HTRA4: variants seen among roughly 807,000 people sequenced by gnomAD.
HTRA4 encodes the protein serine protease HTRA4.
A neutral mutation model predicts 49.1 loss-of-function variants in HTRA4; 46 were observed. The ratio of observed to expected loss-of-function variants is 0.94; its 90% confidence interval spans 0.74 to 1.20. HTRA4 has a LOEUF of 1.20. Among genes scored for constraint, HTRA4 ranks in the 50% most tolerant of loss-of-function variants. The pLI is 0.00. For missense variants in HTRA4, 602 were observed against 636.9 expected (o/e 0.95, Z 0.59); for synonymous variants, 261 against 264.0 (o/e 0.99, Z 0.11).
chr8:38,977,291 A>C, intron 3 of HTRA4, among the ~76,000 whole-genome samples: 1 of 147,816 alleles, frequency 6.8e-6, no homozygotes, highest in Non-Finnish European at 1.5e-5. Context: ...TTCCTCCTTC[A>C]ACAAATGCTG....
At position 38,976,603 on chromosome 8, in the gene HTRA4, T is replaced by C; in HGVS notation, c.635T>C (p.Leu212Pro). Residue 212 changes from leucine (L) to proline (P), a missense_variant, in exon 3 of 9, where the codon CTC (leucine) becomes CCC (proline). Leu to Pro is a moderately conservative substitution (Grantham distance 98). Transcript: ENST00000302495. ...GSGFIVSEDG[L>P]IITNAHVVRN... Reference sequence around the variant, plus strand: ...GGGTTCATAGTGTCTGAGGACGGGCTCATTATTACCAATGCCCATGTTGTC... The same window carrying C: ...GGGTTCATAGTGTCTGAGGACGGGCCCATTATTACCAATGCCCATGTTGTC... 6.2e-7 allele frequency: 1 copy of C among 1,614,184 alleles called. No homozygotes were observed. The highest frequency in any genetic ancestry group is 1.1e-5 in the South Asian group (1 of 91,086).
chr8:38,988,328 G>C lies in HTRA4; in HGVS notation c.*230G>C. On this transcript the variant is annotated 3_prime_UTR_variant, in exon 9 of 9. Coordinates refer to ENST00000302495, the MANE Select transcript of HTRA4 (RefSeq NM_153692.4). ...CCATAAAAAGCAACAGTCCTCTGCA[G>C]GGACATGGATGGAGCTGGAAACCAT... is the stretch of plus-strand genomic sequence containing the variant. 1 of 370,944 alleles carries C rather than the reference G, an allele frequency of 2.7e-6. No homozygotes were observed. The highest frequency in any genetic ancestry group is 4.1e-5 in the South Asian group (1 of 24,362). 23.0% of individuals were successfully genotyped at this position (370,944 alleles called of 1,614,324 possible). A position where few individuals can be genotyped will look rare whatever the true frequency, so the allele number is the denominator to read the frequency against.
At chr8:38,976,765 G>A (rs768876821) in intron 3 of HTRA4, 26 bp downstream of exon 3, 12 of 1,610,566 alleles carry the variant, frequency 7.5e-6, no homozygotes, top group Admixed American at 1.7e-5. Context: ...CTGAGTCAGA[G>A]TCTACATATT....
Position 38,974,463 on chromosome 8 carries a change from G to T in HTRA4, c.200G>T (p.Arg67Leu), listed in dbSNP as rs1204374996. Residue 67 changes from arginine (R) to leucine (L), a missense_variant, in exon 1 of 9, where the codon CGC (arginine) becomes CTC (leucine). Arg to Leu is a moderately radical substitution (Grantham distance 102). Transcript: ENST00000302495. Reference sequence around the variant, plus strand: ...ACCACGCCGGTGTTCGACCTGTGCCGCTGTTGCCGCGTCTGCCCCGCGGCC... The same window carrying T: ...ACCACGCCGGTGTTCGACCTGTGCCTCTGTTGCCGCGTCTGCCCCGCGGCC... ...LGTTPVFDLCRCCRVCPAAER... is the reference protein window; with the variant it reads ...LGTTPVFDLCLCCRVCPAAER... 6.5e-7 allele frequency: 1 copy of T among 1,534,226 alleles called. No homozygotes were observed. The highest frequency in any genetic ancestry group is 1.4e-5 in the African/African-American group (1 of 72,548).
chr8:38,974,684 A>G lies in HTRA4; in HGVS notation c.421A>G (p.Lys141Glu), dbSNP rs768636186. The change falls in exon 1 of 9, where the codon AAG becomes GAG. Residue 141 changes from lysine (K) to glutamate (E), a missense_variant. Coordinates refer to ENST00000302495, the MANE Select transcript of HTRA4 (RefSeq NM_153692.4). ...AENRAARRLGKVPAVPVQWGN... is the reference protein window; with the variant it reads ...AENRAARRLGEVPAVPVQWGN... ...AAACCGCGCCGCGCGCCGCCTGGGC[A>G]AGGTCCCGGCCGTGCCTGTGCAGTG... 2.3e-4 allele frequency: 328 copies of G among 1,404,096 alleles called. No homozygotes were observed. The highest frequency in any genetic ancestry group is 2.7e-4 in the Non-Finnish European group (299 of 1,089,598). The allele number at this position is 1,404,096 out of a possible 1,614,324, so 87.0% of individuals were successfully genotyped here. A position where few individuals can be genotyped will look rare whatever the true frequency, so the allele number is the denominator to read the frequency against.
At position 38,974,296 on chromosome 8, in the gene HTRA4, G is replaced by A. The variant is rs1200307455; in HGVS notation, c.33G>A (p.Leu11=). 3.7e-6 allele frequency: 6 copies of A among 1,612,474 alleles called. No individual in the cohort carries two copies. The Admixed American group carries it at 5.0e-5, about 13-fold the overall frequency. The change falls in exon 1 of 9, where the codon CTG becomes CTA. Residue 11 remains leucine (L), a synonymous_variant. Transcript: ENST00000302495. MIRPQLRTAG[L]GRCLLPGLLL... ...GACCTCAGCTGCGGACCGCGGGGCTGGGACGATGCCTCCTGCCGGGGCTGC... is the reference window on the plus strand; with the variant it reads ...GACCTCAGCTGCGGACCGCGGGGCTAGGACGATGCCTCCTGCCGGGGCTGC...
At chr8:38,981,816 C>A in intron 6 of HTRA4, 49 bp downstream of exon 6, 1 of 1,259,148 alleles carries the variant, frequency 7.9e-7, no homozygotes, top group Non-Finnish European at 1.1e-6. Flanking sequence ...TTGTGCTTTT[C>A]AGGAACACTC....
chr8:38,977,224 C>CTGCGCT (rs1296137804), intron 3 of HTRA4, among the ~76,000 whole-genome samples: 1 of 151,644 alleles, frequency 6.6e-6, no homozygotes, highest in East Asian at 1.9e-4. Context: ...GTGTGAGCCA[C>CTGCGCT]TGCGCTTGGC....
chr8:38,981,886 C>A, intron 6 of HTRA4, 119 bp downstream of exon 6: 1 of 716,752 alleles, frequency 1.4e-6, no homozygotes, highest in Non-Finnish European at 2.3e-6. Context: ...TTTTGCTCGT[C>A]ATCCAGGTTG....
chr8:38,983,366 G>A (rs1835446702), intron 8 of HTRA4, among the ~76,000 whole-genome samples: 1 of 152,066 alleles, frequency 6.6e-6, no homozygotes, highest in Non-Finnish European at 1.5e-5. Flanking sequence ...CTGAAACCCC[G>A]TCTCTACTAA....
rs1185679168 is a variant in HTRA4 at position 38,982,548 on chromosome 8, A to G, written c.1165A>G (p.Thr389Ala). 1 of 1,614,002 alleles carries G rather than the reference A, an allele frequency of 6.2e-7. No homozygotes were observed. The highest frequency in any genetic ancestry group is 8.5e-7 in the Non-Finnish European group (1 of 1,179,980). ...KYLGLQMLSLTVPLSEELKMH... is the reference protein window; with the variant it reads ...KYLGLQMLSLAVPLSEELKMH... ...TCTGGGTCTGCAAATGCTGTCCCTC[A>G]CTGTGCCGTAAGCATGTGTTTGAAT... is the stretch of plus-strand genomic sequence containing the variant. Residue 389 changes from threonine to alanine, a missense_variant, in exon 7 of 9, where the codon ACT (threonine) becomes GCT (alanine). By Grantham distance (58) the Thr-to-Ala change is moderately conservative (BLOSUM62 0). Coordinates refer to ENST00000302495, the MANE Select transcript of HTRA4 (RefSeq NM_153692.4).
At chr8:38,977,197 A>G (rs902227184) in intron 3 of HTRA4, among the ~76,000 whole-genome samples, 17 of 151,746 alleles carry the variant, frequency 1.1e-4, no homozygotes, top group Admixed American at 1.1e-3. Context: ...CGGCCTCCCA[A>G]AGTGCTGGGA....
intron 4 of HTRA4, among the ~76,000 whole-genome samples, 179 bp downstream of exon 4, chr8:38,978,326 C>G (rs2129427199): frequency 6.6e-6 from 1 of 152,294 alleles, no homozygotes; most frequent in South Asian, 2.1e-4. Context: ...AGTGCAAACC[C>G]TATTGTGAAC....
chr8:38,983,174 C>G, intron 8 of HTRA4, 126 bp downstream of exon 8: 1 of 513,450 alleles, frequency 1.9e-6, no homozygotes. Context: ...GTAGTATGTA[C>G]TGAGCACATG....
At chr8:38,982,579 TG>T (rs2129427644) in intron 7 of HTRA4, 24 bp downstream of exon 7, 1 of 1,613,282 alleles carries the variant, frequency 6.2e-7, no homozygotes, top group Non-Finnish European at 8.5e-7. Context: ...TGAATATGTC[TG>T]GGTTGTTTTT....
rs747263824 is a variant in HTRA4 at position 38,977,957 on chromosome 8, A to C, written c.776A>C (p.Glu259Ala). ...TCCCTTTTTGGGCACGTGCAGGCTGAACTTCCTGTACTGATGCTGGGAAGA... is the reference window on the plus strand; with the variant it reads ...TCCCTTTTTGGGCACGTGCAGGCTGCACTTCCTGTACTGATGCTGGGAAGA... The part of the protein sequence containing the change: ...LAVIKIESNA[E>A]LPVLMLGRSS... The change falls in exon 4 of 9, where the codon GAA (glutamate) becomes GCA (alanine). Residue 259 changes from glutamate (E) to alanine (A), a missense_variant. By Grantham distance (107) the Glu-to-Ala change is moderately radical. Transcript: ENST00000302495. The C allele has an allele frequency of 3.1e-6, 5 of 1,613,432 alleles. No homozygotes were observed. The South Asian group carries it at 5.5e-5, about 18-fold the overall frequency.
rs368695427 is a variant in HTRA4, at chr8:38,974,252, G to A, written c.-12G>A. On this transcript the variant is annotated 5_prime_UTR_variant, in exon 1 of 9. Coordinates refer to ENST00000302495, the MANE Select transcript of HTRA4 (RefSeq NM_153692.4). The stretch of plus-strand genomic sequence containing the variant: ...TAAAGTCACTGAAGAGTGGAAGCGA[G>A]GAAGGAACAGGATGATTAGACCTCA... The A allele has an allele frequency of 1.8e-5, 29 of 1,612,290 alleles. No individual in the cohort carries two copies. The African/African-American group carries it at 3.5e-4, about 19-fold the overall frequency.
In HTRA4 at chr8:38,974,456, C is replaced by G; in HGVS notation, c.193C>G (p.Leu65Val). 6.5e-7 allele frequency: 1 copy of G among 1,537,158 alleles called. No individual in the cohort carries two copies. Among genetic ancestry groups the G allele is most frequent in the Non-Finnish European group, 8.7e-7 (1 of 1,146,476 alleles). ...GCTGGGGACCACGCCGGTGTTCGAC[C>G]TGTGCCGCTGTTGCCGCGTCTGCCC... ...CALGTTPVFD[L>V]CRCCRVCPAA... is the part of the protein sequence containing the mutation. The change falls in exon 1 of 9, where the codon CTG (leucine) becomes GTG (valine). Residue 65 changes from leucine to valine, a missense_variant. Leu to Val is a conservative substitution (Grantham distance 32). Transcript: ENST00000302495.
Position 38,978,060 on chromosome 8 carries a change from A to G in HTRA4, c.879A>G (p.Gly293=), listed in dbSNP as rs748215736. 6.2e-6 allele frequency: 10 copies of G among 1,614,180 alleles called. No homozygotes were observed. Among genetic ancestry groups the G allele is most frequent in the Non-Finnish European group, 8.5e-6 (10 of 1,180,042 alleles). The change falls in exon 4 of 9, where the codon GGA becomes GGG. Residue 293 remains glycine, a synonymous_variant. Coordinates refer to ENST00000302495, the MANE Select transcript of HTRA4 (RefSeq NM_153692.4). ...CTCTGCAGAACACAGCTACTGCAGG[A>G]ATTGTCAGCACCAAACAGCGAGGGG... ...PFSLQNTATA[G]IVSTKQRGGK... is the part of the protein sequence containing the mutation.
Sources: gnomAD v4.1 joint callset for allele counts (sites outside exome capture counted in the v4.1 genomes callset) on GRCh38, gnomAD v4.1.1 for gene constraint, MANE v1.5 for transcripts, NCBI Gene and HGNC (gene_info 2026-07-23, HGNC 2026-07-21) for gene names.